STON2: variants seen among roughly 807,000 people sequenced by gnomAD.
The protein encoded by STON2 is stonin-2.
Under a neutral mutation model 65.7 loss-of-function variants are expected in STON2, and 29 were observed. The ratio of observed to expected loss-of-function variants is 0.44; its 90% CI spans 0.33 to 0.60. The LOEUF (loss-of-function observed/expected upper bound fraction) is 0.60, where lower values mean the gene tolerates loss of function less well. Among genes scored for constraint, STON2 ranks in the 20% least tolerant of loss-of-function variants. STON2 has a pLI of 0.03. For missense variants in STON2, 1,054 were observed against 1,118.1 expected (o/e 0.94, Z 0.82); for synonymous variants, 404 against 414.2 (o/e 0.98, Z 0.30).
At chr14:81,356,984 G>A (rs1367218353) in intron 4 of STON2, among the ~76,000 whole-genome samples, 1 of 151,990 alleles carries the variant, frequency 6.6e-6, no homozygotes, top group African/African-American at 2.4e-5. Flanking sequence ...CAGGACATAG[G>A]CACGGGCAAG....
At chr14:81,334,733 G>T (rs867481957) in intron 4 of STON2, among the ~76,000 whole-genome samples, 2 of 152,212 alleles carry the variant, frequency 1.3e-5, no homozygotes, top group African/African-American at 4.8e-5. Context: ...GGGCAGAAGG[G>T]TGACTGGGAA....
chr14:81,365,053 C>CA (rs772666110), intron 4 of STON2, among the ~76,000 whole-genome samples: 14 of 152,194 alleles, frequency 9.2e-5, no homozygotes, highest in Non-Finnish European at 1.8e-4. Context: ...TACAGTGGAT[C>CA]AAGGCCCCAA....
chr14:81,275,359 C>T (rs558658528), intron 6 of STON2, among the ~76,000 whole-genome samples: 13 of 152,186 alleles, frequency 8.5e-5, no homozygotes, highest in South Asian at 2.1e-4. Context: ...TCTCTAGATA[C>T]GTCACATCAC....
At chr14:81,363,171 T>C (rs1161753741) in intron 4 of STON2, among the ~76,000 whole-genome samples, 2 of 152,232 alleles carry the variant, frequency 1.3e-5, no homozygotes, top group Non-Finnish European at 2.9e-5. Flanking sequence ...TCATTTAACC[T>C]CTTTAGCTGT....
At chr14:81,339,714 G>C (rs1897518520) in intron 4 of STON2, among the ~76,000 whole-genome samples, 1 of 152,096 alleles carries the variant, frequency 6.6e-6, no homozygotes, top group Non-Finnish European at 1.5e-5. Context: ...AGAAGGAGTG[G>C]CTTACCTGCT....
rs368994167 is a variant in STON2 at position 81,330,788 on chromosome 14, A to G, written c.572-6601T>C. On this transcript the variant is annotated intron_variant, in intron 4 of 7. Coordinates refer to ENST00000614646, the MANE Select transcript of STON2 (RefSeq NM_001394390.1). ...AAAATTACCTCCTTTCACACCATCT[A>G]TTAGCACCTACTCAAAAGTCCTGCA... Among the ~76,000 whole-genome samples, 5 of 152,304 alleles carry G rather than the reference A, an allele frequency of 3.3e-5. No homozygotes were observed. The East Asian group carries it at 9.7e-4, about 29-fold the overall frequency.
chr14:81,340,815 G>A (rs562119062), intron 4 of STON2, among the ~76,000 whole-genome samples: 23 of 151,688 alleles, frequency 1.5e-4, no homozygotes, highest in African/African-American at 5.6e-4. Flanking sequence ...TTAGCCTCCT[G>A]GACAAGGACA....
At chr14:81,307,338 C>T (rs1896221124) in intron 5 of STON2, among the ~76,000 whole-genome samples, 1 of 152,164 alleles carries the variant, frequency 6.6e-6, no homozygotes, top group African/African-American at 2.4e-5. Context: ...ATCTTCATTC[C>T]TTGAGGCTGA....
intron 5 of STON2, among the ~76,000 whole-genome samples, chr14:81,285,259 A>T (rs1595293252): frequency 6.6e-6 from 1 of 152,240 alleles, no homozygotes; most frequent in African/African-American, 2.4e-5. Flanking sequence ...CCTGGAAAGG[A>T]TTCATCATTC....
chr14:81,296,692 T>C (rs1015832808), intron 5 of STON2, among the ~76,000 whole-genome samples: 1 of 152,156 alleles, frequency 6.6e-6, no homozygotes, highest in Admixed American at 6.5e-5. Context: ...GGTTGCACAA[T>C]ATAAAACACA....
chr14:81,289,417 G>A (rs548971308), intron 5 of STON2, among the ~76,000 whole-genome samples: 135 of 152,284 alleles, frequency 8.9e-4, no homozygotes, highest in Middle Eastern at 3.4e-3. Flanking sequence ...GGACTGGTCA[G>A]TGGTGGGAAA....
At chr14:81,395,770 T>C (rs1172251605) in intron 3 of STON2, 124 bp downstream of exon 3, 3 of 960,532 alleles carry the variant, frequency 3.1e-6, no homozygotes, top group Non-Finnish European at 4.8e-6. Context: ...TGCTCTCCCC[T>C]ATGCGACCAG....
intron 4 of STON2, 90 bp downstream of exon 4, chr14:81,370,898 A>C: frequency 6.2e-5 from 70 of 1,127,076 alleles, no homozygotes; most frequent in Non-Finnish European, 8.1e-5. Flanking sequence ...AAAGGAAGCC[A>C]GCTGCAGCAA....
Position 81,396,057 on chromosome 14 carries a change from G to A in STON2, c.210C>T (p.Asp70=). ...AGATGAGGCCCATCTTTTCAGAGGAGTCATCCTGCTCCGAGTGGGAATGGT... is the reference window on the plus strand; with the variant it reads ...AGATGAGGCCCATCTTTTCAGAGGAATCATCCTGCTCCGAGTGGGAATGGT... ...SQDHSHSEQD[D]SSEKMGLISE... The change falls in exon 3 of 8, where the codon GAC becomes GAT. Residue 70 remains aspartate, a synonymous_variant. Coordinates refer to ENST00000614646, the MANE Select transcript of STON2 (RefSeq NM_001394390.1). The A allele has an allele frequency of 1.2e-6, 2 of 1,614,174 alleles. No individual in the cohort carries two copies. The highest frequency in any genetic ancestry group is 1.1e-5 in the South Asian group (1 of 91,076).
At chr14:81,324,652 A>G (rs1286368457) in intron 4 of STON2, among the ~76,000 whole-genome samples, 4 of 152,250 alleles carry the variant, frequency 2.6e-5, no homozygotes, top group Non-Finnish European at 5.9e-5. Context: ...TTAGAGAAAC[A>G]GGATTCTCAA....
chr14:81,293,288 C>G (rs1895633610), intron 5 of STON2, among the ~76,000 whole-genome samples: 1 of 151,966 alleles, frequency 6.6e-6, no homozygotes, highest in Non-Finnish European at 1.5e-5. Flanking sequence ...ATTCTCCTGC[C>G]TCAGCCTCCC....
intron 3 of STON2, among the ~76,000 whole-genome samples, chr14:81,371,907 G>A (rs1332720007): frequency 6.6e-6 from 1 of 151,984 alleles, no homozygotes; most frequent in African/African-American, 2.4e-5. Context: ...TGAAACATTA[G>A]AGCCAGTTTA....
chr14:81,423,910 C>T (rs12435104), intron 2 of STON2, among the ~76,000 whole-genome samples: 67,960 of 152,054 alleles, frequency 0.45, 17,500 homozygotes, highest in Non-Finnish European at 0.58. Flanking sequence ...GTGCGAGAGT[C>T]GATGTCTGTT....
At chr14:81,362,486 G>T (rs1898537604) in intron 4 of STON2, among the ~76,000 whole-genome samples, 1 of 152,142 alleles carries the variant, frequency 6.6e-6, no homozygotes, top group Non-Finnish European at 1.5e-5. Flanking sequence ...CTAGGGAGAT[G>T]CAGGGAATGG....
Sources: gnomAD v4.1 joint callset for allele counts (sites outside exome capture counted in the v4.1 genomes callset) on GRCh38, gnomAD v4.1.1 for gene constraint, MANE v1.5 for transcripts, NCBI Gene and HGNC (gene_info 2026-07-23, HGNC 2026-07-21) for gene names.